Variants in GSE1 observed in about 807,000 individuals in gnomAD.
The protein encoded by GSE1 is Gse1 coiled-coil protein, also known as genetic suppressor element 1.
A neutral mutation model predicts 112.6 loss-of-function variants in GSE1; 32 were observed. The observed-to-expected ratio is 0.28, with a 90% CI of 0.21 to 0.38. The LOEUF is 0.38. Ranked by LOEUF, GSE1 falls within the 10% of genes least tolerant of loss-of-function variation. The pLI is 1.00. For synonymous variants in GSE1, 1,115 were observed against 735.6 expected (o/e 1.52, Z -8.35); for missense variants, 2,348 against 1,699.2 (o/e 1.38, Z -6.71).
chr16:85,279,189 G>A (rs76027432), intron 1 of GSE1, among the ~76,000 whole-genome samples: 28 of 152,184 alleles, frequency 1.8e-4, no homozygotes, highest in African/African-American at 4.1e-4. Context: ...TAGTGGGGAG[G>A]GGGGAGGAGG....
At position 85,404,326 on chromosome 16, in the gene GSE1, C is replaced by G. The variant is rs61528313; in HGVS notation, c.2464+46683C>G. On this transcript the variant is annotated intron_variant, in intron 2 of 2. Coordinates refer to the GSE1 transcript ENST00000637419. ...CCCGGATAATCCTCACTCTTACACT[C>G]AGGGCCCCCCGGATAATCCTCACCG... Among the ~76,000 whole-genome samples, 23 of 73,680 alleles carry G rather than the reference C, an allele frequency of 3.1e-4. 2 individuals are homozygous for G. The highest frequency in any genetic ancestry group is 1.4e-3 in the African/African-American group (22 of 15,590). The allele number at this position is 73,680 out of a possible 152,430, so 48.3% of individuals were successfully genotyped here. A position where few individuals can be genotyped will look rare whatever the true frequency, so the allele number is the denominator to read the frequency against.
intron 2 of GSE1, among the ~76,000 whole-genome samples, chr16:85,519,578 AGTCT>A (rs1323214868): frequency 2.0e-5 from 1 of 49,124 alleles, no homozygotes; most frequent in African/African-American, 7.6e-5. Context: ...CACCATCACC[AGTCT>A]CCATCATCAT....
intron 1 of GSE1, among the ~76,000 whole-genome samples, chr16:85,198,535 G>A (rs1044768464): frequency 1.3e-5 from 2 of 152,056 alleles, no homozygotes; most frequent in Non-Finnish European, 2.9e-5. Flanking sequence ...CAGTGGTGAT[G>A]TGCTGGGAGG....
intron 1 of GSE1, among the ~76,000 whole-genome samples, chr16:85,347,206 AAT>A (rs1156411881): frequency 6.6e-6 from 1 of 151,982 alleles, no homozygotes; most frequent in Non-Finnish European, 1.5e-5. Context: ...GGGGTTGGGG[AAT>A]ACCTCTGGGG....
chr16:85,201,925 G>T (rs1339251813), intron 1 of GSE1, among the ~76,000 whole-genome samples: 2 of 152,228 alleles, frequency 1.3e-5, no homozygotes, highest in African/African-American at 4.8e-5. Flanking sequence ...GGGCTTTTCA[G>T]TGCAACCCGT....
intron 2 of GSE1, among the ~76,000 whole-genome samples, chr16:85,535,647 A>G (rs752348468): frequency 3.3e-5 from 5 of 152,168 alleles, no homozygotes; most frequent in South Asian, 2.1e-4. Flanking sequence ...TGAAAGGAGA[A>G]GTGGGTGGGA....
intron 1 of GSE1, among the ~76,000 whole-genome samples, chr16:85,600,562 A>AAC (rs144938363): frequency 0.033 from 4,905 of 148,598 alleles, 217 homozygotes; most frequent in African/African-American, 0.1. Context: ...CTTGTTAAAA[A>AAC]ACACACACAC....
intron 1 of GSE1, chr16:85,593,475 G>C (rs1358006542): frequency 1.3e-5 from 2 of 152,468 alleles, no homozygotes; most frequent in Non-Finnish European, 2.9e-5. Flanking sequence ...CTGGGGACTT[G>C]AGGGAGGATG....
Position 85,412,577 on chromosome 16 carries a change from A to T in GSE1, c.2464+54934A>T, listed in dbSNP as rs1241533684. 1.0e-3 allele frequency among the ~76,000 whole-genome samples: 4 copies of T among 3,842 alleles called. 2 individuals are homozygous for T. Among genetic ancestry groups the T allele is most frequent in the African/African-American group, 1.8e-3 (4 of 2,196 alleles). 2.5% of individuals were successfully genotyped at this position (3,842 alleles called of 152,430 possible). On this transcript the variant is annotated intron_variant, in intron 2 of 2. Transcript: ENST00000637419. ...CGTTACACTCAGGGCCCCCCTGGAT[A>T]ATCCTCACCGTTACACTCAGGGCAC...
At chr16:85,169,977 C>T (rs1436119215) in exon 1 of GSE1, 96 of 984,512 alleles carry the variant, frequency 9.8e-5, no homozygotes, top group Non-Finnish European at 1.1e-4. Context: ...CCGGCGACGA[C>T]GACGAGGACG....
rs559358564 is a variant in GSE1, at chr16:85,197,090, C to G, written c.2283+25283C>G. Among the ~76,000 whole-genome samples, 9 of 152,246 alleles carry G rather than the reference C, an allele frequency of 5.9e-5. No homozygotes were observed. In the East Asian group the frequency reaches 1.7e-3, roughly 29 times the overall value. The stretch of plus-strand genomic sequence containing the variant: ...TGGATGTGATTGATTTATCGATCAG[C>G]CATTTATTGAGCACCTCCTGCATGC... On this transcript the variant is annotated intron_variant, in intron 1 of 2. Coordinates refer to the GSE1 transcript ENST00000637419.
At chr16:85,611,533 T>C (rs866223977), upstream of GSE1, 347 of 954,966 alleles carry the variant, frequency 3.6e-4, 1 homozygote, top group African/African-American at 5.6e-3. Flanking sequence ...CGTCCGCAGG[T>C]AGGAGCCAGT....
At chr16:85,557,276 G>T (rs1188628554) in intron 1 of GSE1, among the ~76,000 whole-genome samples, 1 of 152,202 alleles carries the variant, frequency 6.6e-6, no homozygotes, top group Non-Finnish European at 1.5e-5. Flanking sequence ...GGGGCCACGT[G>T]ACGCAGGTCA....
At chr16:85,484,720 C>G (rs779604456) in intron 2 of GSE1, among the ~76,000 whole-genome samples, 2 of 152,242 alleles carry the variant, frequency 1.3e-5, no homozygotes, top group African/African-American at 4.8e-5. Context: ...AGAGCCCCGA[C>G]TCAAAACCAG....
At position 85,281,622 on chromosome 16, in the gene GSE1, A is replaced by G. The variant is rs76036969; in HGVS notation, c.2284-75841A>G. Among the ~76,000 whole-genome samples, 247 of 152,344 alleles carry G rather than the reference A, an allele frequency of 1.6e-3. 6 individuals carry two copies. In the East Asian group the frequency reaches 0.044, roughly 27 times the overall value. The stretch of plus-strand genomic sequence containing the variant: ...CTCTAAAAACGATATGCAATGCTCC[A>G]GAAAGAGAAAACCCTAGAAGAATGT... On this transcript the variant is annotated intron_variant, in intron 1 of 2. Transcript: ENST00000637419.
At chr16:85,285,322 A>G (rs2044987432) in intron 1 of GSE1, 1 of 152,242 alleles carries the variant, frequency 6.6e-6, no homozygotes, top group Admixed American at 6.5e-5. Context: ...GATTTGGACC[A>G]GCCCTTCACT....
intron 1 of GSE1, among the ~76,000 whole-genome samples, chr16:85,263,952 C>G (rs1023125282): frequency 6.6e-6 from 1 of 152,172 alleles, no homozygotes; most frequent in Non-Finnish European, 1.5e-5. Flanking sequence ...GCAGGGTGGA[C>G]AGACAGAGCT....
At chr16:85,427,535 G>A (rs936095466) in intron 2 of GSE1, among the ~76,000 whole-genome samples, 2 of 152,080 alleles carry the variant, frequency 1.3e-5, no homozygotes, top group Admixed American at 6.5e-5. Context: ...CCAGCTACTC[G>A]GGAGCCTGAG....
intron 1 of GSE1, among the ~76,000 whole-genome samples, chr16:85,617,583 C>A (rs1323513457): frequency 7.4e-6 from 1 of 135,290 alleles, no homozygotes; most frequent in Non-Finnish European, 1.5e-5. Flanking sequence ...CCTGGGCATC[C>A]GTGTGTCAAC....
Sources: allele counts gnomAD v4.1 joint callset (sites outside exome capture counted in the v4.1 genomes callset), GRCh38; gene constraint gnomAD v4.1.1; transcripts MANE v1.5; gene names NCBI Gene and HGNC (gene_info 2026-07-23, HGNC 2026-07-21).